The following LARGE1 variants were observed in gnomAD, a reference collection of about 807,000 sequenced individuals.
The protein encoded by LARGE1 is LARGE xylosyl- and glucuronyltransferase 1, also known as xylosyl- and glucuronyltransferase LARGE1.
In LARGE1, 43 loss-of-function variants were observed where a neutral mutation model predicts 87.6. The ratio of observed to expected loss-of-function variants is 0.49; its 90% CI spans 0.38 to 0.63. The LOEUF (loss-of-function observed/expected upper bound fraction) is 0.63, where lower values mean the gene tolerates loss of function less well. Among genes scored for constraint, LARGE1 ranks in the 30% least tolerant of loss-of-function variants. The probability of loss-of-function intolerance (pLI) is 0.00; values close to 1 mark genes in which losing one functional copy is unlikely to be tolerated. For missense variants in LARGE1, 802 were observed against 1,000.2 expected (o/e 0.80, Z 2.67); for synonymous variants, 434 against 394.6 (o/e 1.10, Z -1.18).
At chr22:33,111,613 T>A in the LARGE1 span, among the ~76,000 whole-genome samples, 1 of 152,058 alleles carries the variant, frequency 6.6e-6, no homozygotes, top group South Asian at 2.1e-4. Context: ...GTTTTTAACC[T>A]CAAAAAACGT....
At chr22:33,221,933 A>G (rs947424444) in intron 11 of LARGE1, among the ~76,000 whole-genome samples, 2 of 152,252 alleles carry the variant, frequency 1.3e-5, no homozygotes, top group African/African-American at 4.8e-5. Flanking sequence ...TTCTTAAAAT[A>G]TCTATGGGCG....
rs906442772 is a variant in LARGE1, at chr22:33,563,070, C to T, written c.787+1778G>A. ...AGGACCTCATGTTCATCAGCCATTCCGTGATGTGGGGTGTCCCACGAAGGG... is the reference window on the plus strand; with the variant it reads ...AGGACCTCATGTTCATCAGCCATTCTGTGATGTGGGGTGTCCCACGAAGGG... On this transcript the variant is annotated intron_variant, in intron 6 of 14. Coordinates refer to ENST00000397394, the MANE Select transcript of LARGE1 (RefSeq NM_133642.5). 2.6e-5 allele frequency: 4 copies of T among 152,506 alleles called. No homozygotes were observed. In the East Asian group the frequency reaches 7.7e-4, roughly 29 times the overall value. The allele number at this position is 152,506 out of a possible 1,614,324, so 9.4% of individuals were successfully genotyped here. A position where few individuals can be genotyped will look rare whatever the true frequency, so the allele number is the denominator to read the frequency against.
chr22:33,109,809 G>A, the LARGE1 span, among the ~76,000 whole-genome samples: 1 of 152,054 alleles, frequency 6.6e-6, no homozygotes. Context: ...AAGGAGCCTG[G>A]CATCTCCTCC....
chr22:33,102,920 G>T, the LARGE1 span, among the ~76,000 whole-genome samples: 2 of 152,212 alleles, frequency 1.3e-5, no homozygotes, highest in East Asian at 3.9e-4. Context: ...GATAACAAGG[G>T]AGAGTCAGAA....
intron 7 of LARGE1, among the ~76,000 whole-genome samples, chr22:33,404,900 G>C (rs1358252175): frequency 1.3e-5 from 2 of 152,270 alleles, no homozygotes; most frequent in East Asian, 3.9e-4. Flanking sequence ...GGAAAGTGTG[G>C]TGAAAGCTAT....
At chr22:33,722,875 T>C (rs1229883299) in intron 2 of LARGE1, among the ~76,000 whole-genome samples, 1 of 151,982 alleles carries the variant, frequency 6.6e-6, no homozygotes, top group East Asian at 1.9e-4. Flanking sequence ...AGGCTGCTGA[T>C]TGGGGTCGCA....
chr22:33,254,762 G>A lies in LARGE1; in HGVS notation c.1730+49467C>T, dbSNP rs560409984. Among the ~76,000 whole-genome samples, 9 of 152,214 alleles carry A rather than the reference G, an allele frequency of 5.9e-5. No homozygotes were observed. In the East Asian group the frequency reaches 1.7e-3, roughly 29 times the overall value. ...GTCTCTGGTCCATAGTACTTACTAGGTTTATTGATAGTATCATTCTTCTTC... is the reference window on the plus strand; with the variant it reads ...GTCTCTGGTCCATAGTACTTACTAGATTTATTGATAGTATCATTCTTCTTC... On this transcript the variant is annotated intron_variant, in intron 11 of 11. Transcript: ENST00000608642.
chr22:33,219,687 G>A (rs1243132959), intron 11 of LARGE1, among the ~76,000 whole-genome samples: 1 of 152,182 alleles, frequency 6.6e-6, no homozygotes, highest in African/African-American at 2.4e-5. Flanking sequence ...CATCCCTCAG[G>A]ATTCATTCTT....
Position 33,392,553 on chromosome 22 carries a change from G to A in LARGE1, c.893-8249C>T, listed in dbSNP as rs2267197. ...GGGTGCCTGTAATCACAGTTACTTA[G>A]GAGGCTGAGGCAGAAGAATTGCTTG... On this transcript the variant is annotated intron_variant, in intron 7 of 14. Coordinates refer to ENST00000397394, the MANE Select transcript of LARGE1 (RefSeq NM_133642.5). 5.9e-3 allele frequency among the ~76,000 whole-genome samples: 897 copies of A among 152,222 alleles called. 9 individuals are homozygous for A. The highest frequency in any genetic ancestry group is 0.031 in the South Asian group (149 of 4,828).
At chr22:33,764,628 T>C (rs1266762263) in intron 1 of LARGE1, among the ~76,000 whole-genome samples, 1 of 152,028 alleles carries the variant, frequency 6.6e-6, no homozygotes, top group African/African-American at 2.4e-5. Context: ...TGTGGTGCCA[T>C]GTGCCTATAA....
the LARGE1 span, among the ~76,000 whole-genome samples, chr22:33,154,913 G>T: frequency 1.3e-5 from 2 of 152,198 alleles, no homozygotes; most frequent in Admixed American, 1.3e-4. Context: ...CTGTTCTTGT[G>T]ATGGTGAATA....
intron 4 of LARGE1, among the ~76,000 whole-genome samples, chr22:33,620,093 A>C (rs1467233484): frequency 1.3e-5 from 2 of 152,196 alleles, no homozygotes; most frequent in African/African-American, 4.8e-5. Flanking sequence ...AATAAGGGAT[A>C]AGACAATTAA....
At chr22:33,916,478 C>G (rs754897288) in intron 1 of LARGE1, among the ~76,000 whole-genome samples, 1 of 152,174 alleles carries the variant, frequency 6.6e-6, no homozygotes, top group African/African-American at 2.4e-5. Context: ...GCCTTTCACT[C>G]GTTGCTGCCT....
At chr22:33,244,074 C>T (rs1040691428) in intron 11 of LARGE1, among the ~76,000 whole-genome samples, 10 of 152,190 alleles carry the variant, frequency 6.6e-5, no homozygotes, top group Non-Finnish European at 1.3e-4. Flanking sequence ...CTGTAAGCTC[C>T]GCCTCCTGGG....
chr22:33,433,521 G>A (rs1039092110), intron 6 of LARGE1, among the ~76,000 whole-genome samples: 6 of 150,278 alleles, frequency 4.0e-5, no homozygotes, highest in Admixed American at 1.3e-4. Flanking sequence ...GCATGAATCC[G>A]GAAGGCGGAG....
intron 11 of LARGE1, among the ~76,000 whole-genome samples, chr22:33,188,283 G>A (rs531571377): frequency 7.2e-5 from 11 of 152,162 alleles, no homozygotes; most frequent in African/African-American, 2.6e-4. Context: ...GGACACTAAT[G>A]GAGACAGGAT....
chr22:33,267,930 T>G (rs1928037332), downstream of LARGE1, among the ~76,000 whole-genome samples: 1 of 151,056 alleles, frequency 6.6e-6, no homozygotes, highest in Non-Finnish European at 1.5e-5. Flanking sequence ...CTAGATTATG[T>G]GGACCCATAC....
chr22:33,218,411 C>T (rs944312159), intron 11 of LARGE1, among the ~76,000 whole-genome samples: 11 of 152,156 alleles, frequency 7.2e-5, no homozygotes, highest in African/African-American at 2.2e-4. Context: ...ACCTTGCATG[C>T]ACAAATACTA....
At chr22:33,571,747 AAGT>A (rs1442631009) in intron 5 of LARGE1, among the ~76,000 whole-genome samples, 1 of 152,046 alleles carries the variant, frequency 6.6e-6, no homozygotes, top group Admixed American at 6.5e-5. Flanking sequence ...TTAGTACCCA[AAGT>A]TTGGTGGTCC....
Sources: gnomAD v4.1 joint callset for allele counts (sites outside exome capture counted in the v4.1 genomes callset) on GRCh38, gnomAD v4.1.1 for gene constraint, MANE v1.5 for transcripts, NCBI Gene and HGNC (gene_info 2026-07-23, HGNC 2026-07-21) for gene names.